ASAP2: variants seen among roughly 807,000 people sequenced by gnomAD.
ASAP2 encodes ArfGAP with SH3 domain, ankyrin repeat and PH domain 2, also known as arf-GAP with SH3 domain, ANK repeat and PH domain-containing protein 2.
Under a neutral mutation model 131.4 loss-of-function variants are expected in ASAP2, and 45 were observed. That is an observed-to-expected ratio of 0.34 (90% CI 0.27 to 0.44). ASAP2 has a LOEUF of 0.44. ASAP2 is among the 20% of genes least tolerant of loss of function. The pLI is 1.00. For synonymous variants in ASAP2, 510 were observed against 503.0 expected (o/e 1.01, Z -0.19); for missense variants, 1,011 against 1,297.0 (o/e 0.78, Z 3.39).
chr2:9,290,705 A>G (rs1025052071), intron 2 of ASAP2, among the ~76,000 whole-genome samples: 5 of 152,232 alleles, frequency 3.3e-5, no homozygotes, highest in African/African-American at 1.2e-4. Flanking sequence ...GGATCTCAGT[A>G]TCTTTATAAC....
intron 3 of ASAP2, among the ~76,000 whole-genome samples, chr2:9,314,798 G>A (rs1216471477): frequency 1.3e-5 from 2 of 152,086 alleles, no homozygotes; most frequent in African/African-American, 4.8e-5. Flanking sequence ...AGGCATGGTT[G>A]TGGGTGCTTG....
rs75698306 is a variant in ASAP2, at chr2:9,332,616, T to C, written c.687-2122T>C. Among the ~76,000 whole-genome samples the C allele has an allele frequency of 2.7e-3, 404 of 152,328 alleles. 2 individuals carry two copies. Among genetic ancestry groups the C allele is most frequent in the African/African-American group, 9.4e-3 (389 of 41,578 alleles). On this transcript the variant is annotated intron_variant, in intron 7 of 27. Coordinates refer to ENST00000281419, the MANE Select transcript of ASAP2 (RefSeq NM_003887.3). ...TGCTCACGCGCTCTCACTCTCGCTC[T>C]CTGTCTGACCGTAGGGAGAATTGCC...
rs558404136 is a variant in ASAP2, at chr2:9,236,329, C to T, written c.126+29099C>T. ...TCGGGCCACTTGAATATATTAAGTT[C>T]GTCGACATCTTCAAAGAGTTAGATT... On this transcript the variant is annotated intron_variant, in intron 1 of 27. Coordinates refer to ENST00000281419, the MANE Select transcript of ASAP2 (RefSeq NM_003887.3). 1.6e-4 allele frequency among the ~76,000 whole-genome samples: 25 copies of T among 152,176 alleles called. No individual in the cohort carries two copies. In the South Asian group the frequency reaches 4.6e-3, roughly 28 times the overall value.
intron 23 of ASAP2, among the ~76,000 whole-genome samples, chr2:9,391,760 T>C (rs1180523895): frequency 3.4e-5 from 5 of 149,050 alleles, no homozygotes; most frequent in African/African-American, 1.3e-4. Context: ...TTTTTTTGTA[T>C]TTTTAGTAGA....
intron 1 of ASAP2, among the ~76,000 whole-genome samples, chr2:9,234,493 C>T (rs1663401173): frequency 6.6e-6 from 1 of 152,110 alleles, no homozygotes; most frequent in African/African-American, 2.4e-5. Context: ...AGGAGGAGCT[C>T]AGAAGCAGGG....
chr2:9,386,432 C>G (rs947593323), intron 21 of ASAP2, among the ~76,000 whole-genome samples: 2 of 151,738 alleles, frequency 1.3e-5, no homozygotes, highest in African/African-American at 4.8e-5. Context: ...GCCTCTTCAT[C>G]AAGCGGTCAG....
At chr2:9,334,679 T>C (rs1671082244) in intron 7 of ASAP2, 59 bp from the exon 8 acceptor site, 1 of 1,521,988 alleles carries the variant, frequency 6.6e-7, no homozygotes, top group Non-Finnish European at 9.1e-7. Context: ...TTAATCTGTC[T>C]GACAAAATTA....
rs1572526492 is a variant in ASAP2 at position 9,352,679 on chromosome 2, A to G, written c.1111+1784A>G. On this transcript the variant is annotated intron_variant, in intron 12 of 27. Transcript: ENST00000281419. ...GGGTGTGAGTTACTGCAGCCCTTAC[A>G]CGTGTGGGAATGCAGTCCTCTGTGA... Among the ~76,000 whole-genome samples, 2 of 152,154 alleles carry G rather than the reference A, an allele frequency of 1.3e-5. 1 individual carries two copies. The highest frequency in any genetic ancestry group is 1.3e-4 in the Admixed American group (2 of 15,278).
intron 17 of ASAP2, among the ~76,000 whole-genome samples, chr2:9,376,110 C>T (rs557895859): frequency 7.2e-5 from 11 of 152,364 alleles, no homozygotes; most frequent in Non-Finnish European, 1.5e-4. Context: ...CAGCATCTTT[C>T]TCTTGGTAAC....
At chr2:9,250,334 A>G (rs898083270) in intron 1 of ASAP2, among the ~76,000 whole-genome samples, 5 of 152,178 alleles carry the variant, frequency 3.3e-5, no homozygotes, top group African/African-American at 1.2e-4. Context: ...CCAGGGAAAG[A>G]GGGGAAAGAA....
chr2:9,222,048 A>G (rs1662461432), intron 1 of ASAP2, among the ~76,000 whole-genome samples: 1 of 151,730 alleles, frequency 6.6e-6, no homozygotes. Flanking sequence ...TCGGCCTCCC[A>G]AAGTGCTGGG....
intron 1 of ASAP2, among the ~76,000 whole-genome samples, chr2:9,212,723 T>G (rs1661672247): frequency 6.6e-6 from 1 of 152,156 alleles, no homozygotes; most frequent in South Asian, 2.1e-4. Flanking sequence ...AGCCGCCACA[T>G]TGCAAGTACT....
chr2:9,232,572 C>T lies in ASAP2; in HGVS notation c.126+25342C>T, dbSNP rs1469212240. 6.6e-6 allele frequency among the ~76,000 whole-genome samples: 1 copy of T among 152,208 alleles called. No individual in the cohort carries two copies. The highest frequency in any genetic ancestry group is 2.4e-5 in the African/African-American group (1 of 41,450). On this transcript the variant is annotated intron_variant, in intron 1 of 27. Coordinates refer to ENST00000281419, the MANE Select transcript of ASAP2 (RefSeq NM_003887.3). The surrounding 1 kb of genome is among the most constrained non-coding windows in gnomAD (Gnocchi z 4.1). ...TATTTTTAATTTATTTTCTATCTCC[C>T]CTTCTCCCCATTAGATCATAAGCTT...
intron 7 of ASAP2, among the ~76,000 whole-genome samples, chr2:9,331,782 C>A (rs916397135): frequency 1.3e-5 from 2 of 151,768 alleles, no homozygotes; most frequent in African/African-American, 2.4e-5. Flanking sequence ...AAAAATACAA[C>A]CATGGTTTGA....
chr2:9,339,818 G>A (rs1016343232), intron 9 of ASAP2, among the ~76,000 whole-genome samples: 19 of 152,066 alleles, frequency 1.2e-4, no homozygotes, highest in Admixed American at 9.8e-4. Context: ...AGGCCTTCCA[G>A]CCTCACCTGC....
At position 9,387,133 on chromosome 2, in the gene ASAP2, A is replaced by G. The variant is rs548937658; in HGVS notation, c.2131-1161A>G. Among the ~76,000 whole-genome samples, 223 of 149,148 alleles carry G rather than the reference A, an allele frequency of 1.5e-3. 1 individual carries two copies. The highest frequency in any genetic ancestry group is 4.8e-3 in the Admixed American group (73 of 15,090). On this transcript the variant is annotated intron_variant, in intron 21 of 27. Transcript: ENST00000281419. ...GGAGGCTGAGGCAGGAGAATGGCGT[A>G]AACCCGGGAGGCGGAGCTTGCAGTG...
intron 1 of ASAP2, among the ~76,000 whole-genome samples, chr2:9,270,273 C>A (rs560974309): frequency 6.6e-6 from 1 of 152,158 alleles, no homozygotes; most frequent in Admixed American, 6.5e-5. Context: ...GTTGCTTTTC[C>A]CCCGCTCTGA....
chr2:9,322,644 A>G (rs1370739137), intron 5 of ASAP2, among the ~76,000 whole-genome samples: 2 of 152,212 alleles, frequency 1.3e-5, no homozygotes, highest in Non-Finnish European at 2.9e-5. Flanking sequence ...AGCCGACAGC[A>G]TGGAAAGGTG....
rs896378549 is a variant in ASAP2 at position 9,392,082 on chromosome 2, T to A, written c.2518+886T>A. On this transcript the variant is annotated intron_variant, in intron 23 of 27. Transcript: ENST00000281419. The surrounding 1 kb of genome is among the most constrained non-coding windows in gnomAD (Gnocchi z 4.0). ...GCTATGTTGCCCAGGCTCGAATTCCTGGGCTCAAGTGATCCACCCGCCTTG... is the reference window on the plus strand; with the variant it reads ...GCTATGTTGCCCAGGCTCGAATTCCAGGGCTCAAGTGATCCACCCGCCTTG... 2.0e-5 allele frequency among the ~76,000 whole-genome samples: 3 copies of A among 152,190 alleles called. No homozygotes were observed. The highest frequency in any genetic ancestry group is 4.8e-5 in the African/African-American group (2 of 41,452).
Sources: gnomAD v4.1 joint callset for allele counts (sites outside exome capture counted in the v4.1 genomes callset) on GRCh38, gnomAD v4.1.1 for gene constraint, Gnocchi (gnomAD v3.1) non-coding constraint, MANE v1.5 for transcripts, NCBI Gene and HGNC (gene_info 2026-07-23, HGNC 2026-07-21) for gene names.